CSMD1: variants seen among roughly 807,000 people sequenced by gnomAD.
CSMD1 encodes the protein CUB and sushi domain-containing protein 1.
In CSMD1, 213 loss-of-function variants were observed where a neutral mutation model predicts 417.5. That is an observed-to-expected ratio of 0.51 (90% confidence interval 0.46 to 0.57). The LOEUF is 0.57. Ranked by LOEUF, CSMD1 falls within the 20% of genes least tolerant of loss-of-function variation. The pLI, the probability that CSMD1 is intolerant of heterozygous loss-of-function variation, is 0.00. For synonymous variants in CSMD1, 2,862 were observed against 1,736.8 expected (o/e 1.65, Z -16.11); for missense variants, 6,923 against 4,529.7 (o/e 1.53, Z -15.17).
At chr8:4,306,927 G>A (rs1019094041) in intron 3 of CSMD1, among the ~76,000 whole-genome samples, 1 of 152,080 alleles carries the variant, frequency 6.6e-6, no homozygotes, top group Non-Finnish European at 1.5e-5. Flanking sequence ...TCCTCAGTGT[G>A]GGATTCAGTA....
intron 2 of CSMD1, among the ~76,000 whole-genome samples, chr8:4,609,439 T>A (rs1009980049): frequency 1.3e-5 from 2 of 152,134 alleles, no homozygotes; most frequent in African/African-American, 4.8e-5. Context: ...ATCTAAAGCC[T>A]CATTCCTAGC....
At chr8:3,739,825 A>T (rs906126263) in intron 6 of CSMD1, among the ~76,000 whole-genome samples, 5 of 152,196 alleles carry the variant, frequency 3.3e-5, no homozygotes, top group Non-Finnish European at 7.3e-5. Context: ...GTAACAAAGA[A>T]TGCAGACATT....
chr8:4,647,150 T>C (rs1026480646), intron 1 of CSMD1, among the ~76,000 whole-genome samples: 1 of 152,012 alleles, frequency 6.6e-6, no homozygotes, highest in Non-Finnish European at 1.5e-5. Flanking sequence ...AAATCACAAA[T>C]GGGTTCATAT....
chr8:4,040,048 C>A (rs74726802), intron 3 of CSMD1, among the ~76,000 whole-genome samples: 1 of 111,664 alleles, frequency 9.0e-6, no homozygotes, highest in Non-Finnish European at 2.1e-5. Context: ...TTCTAAAGCA[C>A]CATGCAAATG....
chr8:3,024,028 T>C (rs1035287661), intron 51 of CSMD1, among the ~76,000 whole-genome samples: 3 of 152,126 alleles, frequency 2.0e-5, no homozygotes, highest in South Asian at 2.1e-4. Flanking sequence ...AAATGTGTCA[T>C]GTTCATTACT....
chr8:3,632,402 C>T (rs1288447815), intron 7 of CSMD1, among the ~76,000 whole-genome samples: 2 of 151,996 alleles, frequency 1.3e-5, no homozygotes, highest in African/African-American at 4.8e-5. Flanking sequence ...TAAAGACTAC[C>T]CCTGGGATAT....
At position 4,021,087 on chromosome 8, in the gene CSMD1, G is replaced by A. The variant is rs367622251; in HGVS notation, c.610+10818C>T. Among the ~76,000 whole-genome samples the A allele has an allele frequency of 5.0e-4, 76 of 152,304 alleles. No individual in the cohort carries two copies. In the South Asian group the frequency reaches 0.015, roughly 29 times the overall value. ...GCTCTACAAGCATTAGCAATAATGA[G>A]GATAGAGGATACAACAAGTTTAAAG... is the stretch of plus-strand genomic sequence containing the variant. On this transcript the variant is annotated intron_variant, in intron 4 of 69. Coordinates refer to ENST00000635120, the MANE Select transcript of CSMD1 (RefSeq NM_033225.6).
intron 2 of CSMD1, among the ~76,000 whole-genome samples, chr8:4,539,980 C>A (rs55635840): frequency 6.6e-6 from 1 of 152,184 alleles, no homozygotes; most frequent in Non-Finnish European, 1.5e-5. Context: ...CCTGCAGATG[C>A]CCATGGCTAT....
chr8:3,241,131 T>C lies in CSMD1; in HGVS notation c.4154-10900A>G, dbSNP rs560217807. Among the ~76,000 whole-genome samples the C allele has an allele frequency of 1.4e-3, 220 of 151,740 alleles. 1 individual carries two copies. The highest frequency in any genetic ancestry group is 5.6e-3 in the East Asian group (29 of 5,160). On this transcript the variant is annotated intron_variant, in intron 26 of 69. Coordinates refer to ENST00000635120, the MANE Select transcript of CSMD1 (RefSeq NM_033225.6). ...TGGGAAGAAGGGCGGCAATGAGATG[T>C]AGCTGTAGTCCAGGAATAGTTAGGG...
intron 1 of CSMD1, among the ~76,000 whole-genome samples, chr8:4,925,813 T>C (rs1017311488): frequency 1.3e-5 from 2 of 152,068 alleles, no homozygotes; most frequent in African/African-American, 4.8e-5. Flanking sequence ...TCCCAAAGTG[T>C]TGGGATTACA....
chr8:3,599,791 C>T (rs1801274811), intron 8 of CSMD1, among the ~76,000 whole-genome samples: 2 of 152,202 alleles, frequency 1.3e-5, no homozygotes. Context: ...GGGCAACTCC[C>T]ACTTCTTTCC....
chr8:4,723,827 C>T (rs552340109), intron 1 of CSMD1, among the ~76,000 whole-genome samples: 1 of 148,420 alleles, frequency 6.7e-6, no homozygotes, highest in South Asian at 2.1e-4. Flanking sequence ...CAAAACAGTG[C>T]CTGAATCATG....
intron 3 of CSMD1, among the ~76,000 whole-genome samples, chr8:4,373,074 T>G (rs1487026915): frequency 1.3e-5 from 2 of 152,190 alleles, no homozygotes; most frequent in African/African-American, 2.4e-5. Context: ...GAAGACAGTT[T>G]ACCTGTGTGG....
chr8:4,108,389 C>T (rs1411668651), intron 3 of CSMD1, among the ~76,000 whole-genome samples: 1 of 152,198 alleles, frequency 6.6e-6, no homozygotes. Flanking sequence ...AAGAACTACT[C>T]TCGACCATGT....
chr8:3,977,021 G>A (rs904231592), intron 5 of CSMD1, among the ~76,000 whole-genome samples: 6 of 152,140 alleles, frequency 3.9e-5, no homozygotes, highest in African/African-American at 1.4e-4. Flanking sequence ...GTGCCTGCAG[G>A]GAATGGGTGA....
intron 1 of CSMD1, among the ~76,000 whole-genome samples, chr8:4,834,742 A>G (rs1242554054): frequency 4.6e-5 from 7 of 151,746 alleles, no homozygotes; most frequent in Non-Finnish European, 7.4e-5. Context: ...GGATCACGAC[A>G]TCAGGAGATC....
intron 25 of CSMD1, among the ~76,000 whole-genome samples, chr8:3,286,762 A>G (rs1003929624): frequency 3.3e-5 from 5 of 151,998 alleles, no homozygotes; most frequent in Non-Finnish European, 7.4e-5. Context: ...ATTTTCTCCC[A>G]TTCTGTAGGT....
rs1759663235 is a variant in CSMD1, at chr8:2,961,921, G to T, written c.9628+545C>A. On this transcript the variant is annotated intron_variant, in intron 61 of 69. Coordinates refer to ENST00000635120, the MANE Select transcript of CSMD1 (RefSeq NM_033225.6). ...AAATATTCTTCTAATTAGAAAAAAT[G>T]CTTCAATGACAATATTTCTTTAATA... 3.3e-5 allele frequency among the ~76,000 whole-genome samples: 5 copies of T among 152,092 alleles called. No individual in the cohort carries two copies. In the South Asian group the frequency reaches 1.0e-3, roughly 32 times the overall value.
chr8:3,708,463 T>C lies in CSMD1; in HGVS notation c.960A>G (p.Arg320=), dbSNP rs1193972233. 5 of 1,613,936 alleles carry C rather than the reference T, an allele frequency of 3.1e-6. No homozygotes were observed. Among genetic ancestry groups the C allele is most frequent in the Non-Finnish European group, 4.2e-6 (5 of 1,179,882 alleles). ...QVKKAIELKS[R]GVKMLPSKDG... Reference sequence around the variant, plus strand: ...CCTTGCTGGGCAGCATCTTGACTCCTCTTGACTTCAACTCAATCGCCTTTT... The same window carrying C: ...CCTTGCTGGGCAGCATCTTGACTCCCCTTGACTTCAACTCAATCGCCTTTT... Residue 320 remains arginine (R), a synonymous_variant, in exon 7 of 70, where the codon AGA becomes AGG. Transcript: ENST00000635120.
Sources: allele counts gnomAD v4.1 joint callset (sites outside exome capture counted in the v4.1 genomes callset), GRCh38; gene constraint gnomAD v4.1.1; transcripts MANE v1.5; gene names NCBI Gene and HGNC (gene_info 2026-07-23, HGNC 2026-07-21).